Variants in EFL1 observed in about 807,000 individuals in gnomAD.
EFL1 encodes the protein elongation factor like GTPase 1, also known as elongation factor-like GTPase 1.
EFL1 carries 76 observed loss-of-function variants against 126.7 expected under a neutral mutation model. That is an observed-to-expected ratio of 0.60 (90% CI 0.50 to 0.73). EFL1 has a LOEUF of 0.73. Among genes scored for constraint, EFL1 ranks in the 30% least tolerant of loss-of-function variants. EFL1 has a pLI of 0.00. For synonymous variants in EFL1, 410 were observed against 448.4 expected (o/e 0.91, Z 1.08); for missense variants, 1,128 against 1,343.2 (o/e 0.84, Z 2.50).
intron 15 of EFL1, among the ~76,000 whole-genome samples, chr15:82,182,532 A>G (rs1039079434): frequency 1.3e-5 from 2 of 152,124 alleles, no homozygotes; most frequent in African/African-American, 4.8e-5. Context: ...CCTGTAAATC[A>G]TATCTTACAG....
intron 18 of EFL1, among the ~76,000 whole-genome samples, chr15:82,149,481 G>T (rs992035094): frequency 1.3e-5 from 2 of 152,164 alleles, no homozygotes; most frequent in Non-Finnish European, 2.9e-5. Context: ...ATTAAAAGAA[G>T]AATGTTGTAT....
intron 19 of EFL1, among the ~76,000 whole-genome samples, chr15:82,137,756 G>C (rs2073737454): frequency 6.6e-6 from 1 of 152,162 alleles, no homozygotes; most frequent in African/African-American, 2.4e-5. Context: ...TTATATCCTT[G>C]AGTTTACAAT....
intron 18 of EFL1, among the ~76,000 whole-genome samples, chr15:82,150,942 C>T (rs1413107086): frequency 6.6e-6 from 1 of 152,118 alleles, no homozygotes; most frequent in African/African-American, 2.4e-5. Flanking sequence ...GGAAAGGATT[C>T]TATTTGTTGC....
At chr15:82,219,287 A>C (rs1041870782) in intron 14 of EFL1, among the ~76,000 whole-genome samples, 9 of 152,126 alleles carry the variant, frequency 5.9e-5, no homozygotes, top group Admixed American at 3.3e-4. Context: ...CCTTTGGCCT[A>C]AGCCAGCTAG....
At chr15:82,181,622 ATG>A (rs35063141) in intron 15 of EFL1, among the ~76,000 whole-genome samples, 30 of 149,328 alleles carry the variant, frequency 2.0e-4, no homozygotes, top group Non-Finnish European at 3.4e-4. Flanking sequence ...ATGTGTGTGC[ATG>A]TGTGTGTGTG....
At chr15:82,139,175 T>G (rs1470949610) in intron 18 of EFL1, among the ~76,000 whole-genome samples, 2 of 152,160 alleles carry the variant, frequency 1.3e-5, no homozygotes, top group Non-Finnish European at 2.9e-5. Flanking sequence ...TGAAATCCAA[T>G]GAGATGAGTG....
chr15:82,239,189 T>C (rs915635836), intron 6 of EFL1, among the ~76,000 whole-genome samples: 2 of 152,156 alleles, frequency 1.3e-5, no homozygotes, highest in African/African-American at 4.8e-5. Context: ...CAGGCTGGAG[T>C]GCAGTGGCGT....
chr15:82,225,210 T>C lies in EFL1; in HGVS notation c.1247A>G (p.Lys416Arg), dbSNP rs1229924952. ...DTAPVIIFVS[K>R]MFAVDAKALP... Reference sequence around the variant, plus strand: ...GGCCTTAGCATCAACTGCAAACATTTTGGAAACAAATATAATAACTGGAGC... The same window carrying C: ...GGCCTTAGCATCAACTGCAAACATTCTGGAAACAAATATAATAACTGGAGC... The change falls in exon 12 of 20, where the codon AAA becomes AGA. Residue 416 changes from lysine (K) to arginine (R), a missense_variant. By Grantham distance (26) the Lys-to-Arg change is conservative. Transcript: ENST00000268206. The C allele has an allele frequency of 1.2e-6, 2 of 1,612,566 alleles. No individual in the cohort carries two copies. Among genetic ancestry groups the C allele is most frequent in the East Asian group, 2.2e-5 (1 of 44,762 alleles).
intron 13 of EFL1, 88 bp downstream of exon 13, chr15:82,219,990 T>C (rs2074692865): frequency 6.6e-7 from 1 of 1,507,740 alleles, no homozygotes. Context: ...GATTAAAGCT[T>C]AAAAATCTCA....
At chr15:82,242,103 GATC>G (rs2141328609) in intron 4 of EFL1, among the ~76,000 whole-genome samples, 1 of 152,182 alleles carries the variant, frequency 6.6e-6, no homozygotes, top group South Asian at 2.1e-4. Flanking sequence ...GAAAAAAAAA[GATC>G]ATCTTAGGTT....
At chr15:82,153,508 T>C (rs1276608075) in intron 17 of EFL1, among the ~76,000 whole-genome samples, 1 of 152,204 alleles carries the variant, frequency 6.6e-6, no homozygotes, top group Non-Finnish European at 1.5e-5. Context: ...GTTTTACATG[T>C]AGTATTTCTT....
rs898512127 is a variant in EFL1 at position 82,262,672 on chromosome 15, C to T, written c.-78G>A. The T allele has an allele frequency of 1.3e-5, 7 of 550,704 alleles. No homozygotes were observed. The Admixed American group carries it at 2.1e-4, about 16-fold the overall frequency. 34.1% of individuals were successfully genotyped at this position (550,704 alleles called of 1,614,324 possible). On this transcript the variant is annotated 5_prime_UTR_variant, in exon 1 of 20. Transcript: ENST00000268206. Reference sequence around the variant, plus strand: ...TCTCGGGTCGCACCCACACCGAGAGCTTCCGAAAGTCCGAGAGCTCTGCGG... The same window carrying T: ...TCTCGGGTCGCACCCACACCGAGAGTTTCCGAAAGTCCGAGAGCTCTGCGG...
At chr15:82,147,071 G>GAGGGGTGACTCAAC (rs916981567) in intron 18 of EFL1, among the ~76,000 whole-genome samples, 2 of 152,104 alleles carry the variant, frequency 1.3e-5, no homozygotes, top group Non-Finnish European at 2.9e-5. Context: ...AATGAACACA[G>GAGGGGTGACTCAAC]AGGGGTGACT....
intron 8 of EFL1, 107 bp downstream of exon 8, chr15:82,230,741 C>T: frequency 1.5e-6 from 2 of 1,364,506 alleles, no homozygotes; most frequent in Non-Finnish European, 2.0e-6. Flanking sequence ...CTCATGAACT[C>T]ACCTGCATAA....
At chr15:82,232,539 T>C (rs2074833058) in intron 7 of EFL1, among the ~76,000 whole-genome samples, 1 of 152,216 alleles carries the variant, frequency 6.6e-6, no homozygotes, top group Admixed American at 6.5e-5. Context: ...ATGCACTTTG[T>C]TGTTATGATA....
rs532267689 is a variant in EFL1 at position 82,174,046 on chromosome 15, G to A, written c.1751-10062C>T. 1.3e-3 allele frequency among the ~76,000 whole-genome samples: 197 copies of A among 152,180 alleles called. 1 individual carries two copies. Among genetic ancestry groups the A allele is most frequent in the Non-Finnish European group, 2.1e-3 (142 of 67,994 alleles). On this transcript the variant is annotated intron_variant, in intron 15 of 19. Transcript: ENST00000268206. ...CTACTAAAAATACAAAAAATTAGCC[G>A]GAGGTGGTGGCGGAAGCCTATAGTC...
chr15:82,153,146 C>A (rs1272218952), intron 17 of EFL1, among the ~76,000 whole-genome samples: 1 of 152,164 alleles, frequency 6.6e-6, no homozygotes, highest in African/African-American at 2.4e-5. Context: ...TAAACAGCTG[C>A]ATGTGGGTAG....
At chr15:82,261,301 A>G (rs2075114201) in intron 2 of EFL1, among the ~76,000 whole-genome samples, 1 of 152,234 alleles carries the variant, frequency 6.6e-6, no homozygotes, top group Non-Finnish European at 1.5e-5. Flanking sequence ...CTTCAGACAT[A>G]CTAAGCAAAA....
intron 12 of EFL1, among the ~76,000 whole-genome samples, chr15:82,221,223 G>A (rs548674149): frequency 5.3e-5 from 8 of 152,196 alleles, no homozygotes; most frequent in African/African-American, 1.7e-4. Context: ...CATCACCTTT[G>A]ATATTATGAT....
Sources: allele counts gnomAD v4.1 joint callset (sites outside exome capture counted in the v4.1 genomes callset), GRCh38; gene constraint gnomAD v4.1.1; transcripts MANE v1.5; gene names NCBI Gene and HGNC (gene_info 2026-07-23, HGNC 2026-07-21).